Variants in GTF3C2 observed in about 807,000 individuals in gnomAD.
The protein encoded by GTF3C2 is general transcription factor 3C polypeptide 2.
Under a neutral mutation model 117.4 loss-of-function variants are expected in GTF3C2, and 17 were observed. The observed-to-expected ratio is 0.14, with a 90% CI of 0.10 to 0.22. GTF3C2 has a LOEUF of 0.22. GTF3C2 is among the 10% of genes least tolerant of loss of function. GTF3C2 has a pLI of 1.00. For missense variants in GTF3C2, 888 were observed against 1,143.6 expected, an observed-to-expected ratio of 0.78 and a Z score of 3.22; for synonymous variants, 437 against 427.0, an observed-to-expected ratio of 1.02 and a Z score of -0.29.
chr2:27,344,918 G>A (rs961621923), intron 1 of GTF3C2, among the ~76,000 whole-genome samples: 5 of 151,964 alleles, frequency 3.3e-5, no homozygotes, highest in African/African-American at 7.3e-5. Flanking sequence ...CTAGGAGTTC[G>A]AGGTTACAGT....
chr2:27,327,667 T>C (rs1170009905), intron 17 of GTF3C2, among the ~76,000 whole-genome samples: 8 of 138,430 alleles, frequency 5.8e-5, no homozygotes, highest in African/African-American at 2.3e-4. Context: ...CTTGCTGCGT[T>C]GCCAGGCTGG....
At chr2:27,355,457 T>G (rs1057485297) in intron 1 of GTF3C2, among the ~76,000 whole-genome samples, 2 of 151,400 alleles carry the variant, frequency 1.3e-5, no homozygotes, top group Non-Finnish European at 2.9e-5. Context: ...GAGGCGGAGG[T>G]TGCAGTGAGC....
At chr2:27,338,399 G>A (rs1340880251) in intron 4 of GTF3C2, 1 of 250,012 alleles carries the variant, frequency 4.0e-6, no homozygotes, top group Non-Finnish European at 7.8e-6. Context: ...CTCGATGATG[G>A]TATTCCCCAG....
intron 1 of GTF3C2, among the ~76,000 whole-genome samples, chr2:27,351,494 C>G (rs1681137918): frequency 6.6e-6 from 1 of 152,136 alleles, no homozygotes; most frequent in Admixed American, 6.6e-5. Context: ...CTACCACAGC[C>G]AATGGCTCCA....
In GTF3C2 at chr2:27,329,039, C is replaced by G; in HGVS notation, c.2039+82G>C. Reference sequence around the variant, plus strand: ...CTCAGTGAACCAACTCTCTACCCTCCTCTCCCCACAACAATCTGGCATGCT... The same window carrying G: ...CTCAGTGAACCAACTCTCTACCCTCGTCTCCCCACAACAATCTGGCATGCT... On this transcript the variant is annotated intron_variant, in intron 14 of 18. Coordinates refer to ENST00000264720, the Ensembl canonical transcript of GTF3C2. This position sits in a 1 kb window ranked among gnomAD's most constrained non-coding sequence, Gnocchi z 4.5. 6.6e-7 allele frequency: 1 copy of G among 1,516,384 alleles called. No individual in the cohort carries two copies. The highest frequency in any genetic ancestry group is 9.2e-7 in the Non-Finnish European group (1 of 1,092,516). 93.9% of individuals were successfully genotyped at this position (1,516,384 alleles called of 1,614,324 possible).
At chr2:27,355,435 G>C (rs968721192) in intron 1 of GTF3C2, among the ~76,000 whole-genome samples, 4 of 151,808 alleles carry the variant, frequency 2.6e-5, no homozygotes, top group African/African-American at 9.7e-5. Context: ...CAGGAGAATC[G>C]CTTGAACCCG....
intron 9 of GTF3C2, 98 bp from the exon 10 acceptor site, chr2:27,335,804 A>T: frequency 9.2e-7 from 1 of 1,081,520 alleles, no homozygotes; most frequent in Non-Finnish European, 1.4e-6. Flanking sequence ...AAGTTGCTGG[A>T]AAAACTCCAT....
rs370764782 is a variant in GTF3C2 at position 27,331,247 on chromosome 2, C to G, written c.1733-1724G>C. On this transcript the variant is annotated intron_variant, in intron 12 of 18. Transcript: ENST00000264720. ...AATACCACCAAAAGAAAAAACATGG[C>G]GAAAGGGATGATAAAAAGACGTGTA... Among the ~76,000 whole-genome samples, 34 of 152,188 alleles carry G rather than the reference C, an allele frequency of 2.2e-4. 1 individual carries two copies. The highest frequency in any genetic ancestry group is 7.9e-4 in the African/African-American group (33 of 41,530).
intron 4 of GTF3C2, among the ~76,000 whole-genome samples, chr2:27,338,540 G>A (rs537269097): frequency 4.0e-5 from 6 of 151,678 alleles, no homozygotes; most frequent in African/African-American, 1.5e-4. Flanking sequence ...TTGTTTTTTT[G>A]TTGTTTTTGA....
At chr2:27,337,618 A>G in intron 5 of GTF3C2, 60 bp from the exon 6 acceptor site, 3 of 1,147,868 alleles carry the variant, frequency 2.6e-6, no homozygotes, top group Non-Finnish European at 2.6e-6. Flanking sequence ...ACAGTCCAAT[A>G]AAACTTTCTG....
In GTF3C2 at chr2:27,335,616, G is replaced by T. The variant is rs771818393; in HGVS notation, c.1558C>A (p.Leu520Met). The T allele has an allele frequency of 3.9e-5, 61 of 1,550,080 alleles. No individual in the cohort carries two copies. In the Admixed American group the frequency reaches 1.2e-3, roughly 30 times the overall value. ...TACTCACCTGGGGGTTGCTGAGCCAGCAGGGCCTCCGGATGGGGTAGACTG... is the reference window on the plus strand; with the variant it reads ...TACTCACCTGGGGGTTGCTGAGCCATCAGGGCCTCCGGATGGGGTAGACTG... The change falls in exon 10 of 19, where the codon CTG becomes ATG. Residue 520 changes from leucine to methionine, a missense_variant. Transcript: ENST00000264720.
At chr2:27,339,000 T>C (rs563632735) in intron 4 of GTF3C2, among the ~76,000 whole-genome samples, 10 of 152,314 alleles carry the variant, frequency 6.6e-5, no homozygotes, top group Admixed American at 5.9e-4. Context: ...TTATCAAGTT[T>C]ACATTTCCGT....
At chr2:27,346,278 T>G (rs1047936756) in intron 1 of GTF3C2, among the ~76,000 whole-genome samples, 1 of 147,236 alleles carries the variant, frequency 6.8e-6, no homozygotes, top group African/African-American at 2.5e-5. Context: ...TCCACCTCGG[T>G]CTCCCAAAAT....
intron 4 of GTF3C2, 133 bp downstream of exon 4, chr2:27,341,815 T>C (rs1452756349): frequency 7.0e-6 from 5 of 713,362 alleles, no homozygotes; most frequent in Admixed American, 2.9e-5. Flanking sequence ...GTTTTGGAAA[T>C]GGACCCTTTT....
At chr2:27,335,931 C>A (rs1177468973) in exon 9 of GTF3C2, 1 of 1,606,706 alleles carries the variant, frequency 6.2e-7, no homozygotes, top group Admixed American at 1.7e-5. Context: ...CGAGGGGTGC[C>A]TGGAAGTTCC....
chr2:27,328,006 TA>T, intron 17 of GTF3C2, 30 bp downstream of exon 17: 2 of 1,579,008 alleles, frequency 1.3e-6, no homozygotes, highest in Non-Finnish European at 1.7e-6. Flanking sequence ...CCTTTTCTAA[TA>T]CCACACCCAT....
At chr2:27,341,776 T>C in intron 4 of GTF3C2, 172 bp downstream of exon 4, 1 of 598,050 alleles carries the variant, frequency 1.7e-6, no homozygotes, top group Middle Eastern at 4.2e-4. Flanking sequence ...CCATACCCCT[T>C]CTTCTGCGCT....
chr2:27,356,026 T>C (rs1681362344), intron 1 of GTF3C2: 2 of 1,050,108 alleles, frequency 1.9e-6, no homozygotes, highest in Non-Finnish European at 1.3e-6. Context: ...GCAAAAATAG[T>C]GATGGCACGG....
chr2:27,344,144 C>A (rs1680838102), intron 1 of GTF3C2, among the ~76,000 whole-genome samples: 1 of 151,906 alleles, frequency 6.6e-6, no homozygotes, highest in African/African-American at 2.4e-5. Context: ...CCTGCCTCAG[C>A]CTCCTGAGTA....
Sources: gnomAD v4.1 joint callset for allele counts (sites outside exome capture counted in the v4.1 genomes callset) on GRCh38, gnomAD v4.1.1 for gene constraint, Gnocchi (gnomAD v3.1) non-coding constraint, MANE v1.5 for transcripts, NCBI Gene and HGNC (gene_info 2026-07-23, HGNC 2026-07-21) for gene names.